The following EPHA6 variants were observed in gnomAD, a reference collection of about 807,000 sequenced individuals.
EPHA6 encodes the protein ephrin type-A receptor 6.
A neutral mutation model predicts 112.0 loss-of-function variants in EPHA6; 50 were observed. The ratio of observed to expected loss-of-function variants is 0.45; its 90% CI spans 0.36 to 0.56. The LOEUF is 0.56. EPHA6 is among the 20% of genes least tolerant of loss of function. EPHA6 has a pLI of 0.00. For synonymous variants in EPHA6, 529 were observed against 490.7 expected (o/e 1.08, Z -1.03); for missense variants, 1,280 against 1,417.4 (o/e 0.90, Z 1.56).
chr3:97,137,893 T>TGA (rs1489701687), intron 3 of EPHA6, among the ~76,000 whole-genome samples: 1 of 151,772 alleles, frequency 6.6e-6, no homozygotes, highest in Non-Finnish European at 1.5e-5. Context: ...GAAAAAAATG[T>TGA]GAGAGAAGGG....
chr3:97,622,043 T>G (rs542298458), intron 13 of EPHA6, among the ~76,000 whole-genome samples: 2 of 152,012 alleles, frequency 1.3e-5, no homozygotes, highest in African/African-American at 4.8e-5. Context: ...CTTTTCAATT[T>G]TTTTATTTTG....
intron 11 of EPHA6, among the ~76,000 whole-genome samples, chr3:97,546,192 T>A (rs1205670603): frequency 6.6e-6 from 1 of 152,086 alleles, no homozygotes; most frequent in Admixed American, 6.5e-5. Context: ...TGTTTTTGCA[T>A]TGGCTGGTAC....
At chr3:96,945,228 C>G (rs1273989202) in intron 2 of EPHA6, among the ~76,000 whole-genome samples, 1 of 152,156 alleles carries the variant, frequency 6.6e-6, no homozygotes, top group Non-Finnish European at 1.5e-5. Flanking sequence ...TTAATAAAAT[C>G]ATATTCTAAG....
chr3:97,517,543 C>A (rs1470804955), intron 10 of EPHA6, among the ~76,000 whole-genome samples: 1 of 151,766 alleles, frequency 6.6e-6, no homozygotes, highest in Non-Finnish European at 1.5e-5. Context: ...TGTAGAATAA[C>A]TAAATCAAGC....
intron 13 of EPHA6, among the ~76,000 whole-genome samples, chr3:97,634,678 T>C (rs2093931263): frequency 6.6e-6 from 1 of 152,058 alleles, no homozygotes; most frequent in Non-Finnish European, 1.5e-5. Flanking sequence ...ACGAGCAGCC[T>C]GAATCCAGTG....
At chr3:97,329,933 G>C (rs1352430917) in intron 5 of EPHA6, among the ~76,000 whole-genome samples, 2 of 152,034 alleles carry the variant, frequency 1.3e-5, no homozygotes, top group Non-Finnish European at 2.9e-5. Flanking sequence ...TTTTCTTCTA[G>C]GGTTTTTATG....
At chr3:97,481,177 C>G (rs140024817) in intron 9 of EPHA6, 3 of 972,898 alleles carry the variant, frequency 3.1e-6, no homozygotes, top group East Asian at 5.4e-5. Flanking sequence ...GCACTCCAGC[C>G]GAACAATTTC....
intron 1 of EPHA6, among the ~76,000 whole-genome samples, chr3:96,851,937 A>T (rs544386813): frequency 2.4e-4 from 37 of 152,286 alleles, no homozygotes; most frequent in African/African-American, 8.7e-4. Flanking sequence ...ATTTTAGGTA[A>T]TACTGGAGAA....
intron 2 of EPHA6, among the ~76,000 whole-genome samples, chr3:96,912,530 C>A (rs934668324): frequency 3.3e-5 from 5 of 152,106 alleles, no homozygotes; most frequent in African/African-American, 1.2e-4. Flanking sequence ...TAGCATCTAA[C>A]TGGGGACCTA....
intron 10 of EPHA6, among the ~76,000 whole-genome samples, chr3:97,505,872 G>A (rs1213562507): frequency 1.3e-5 from 2 of 152,078 alleles, no homozygotes; most frequent in Non-Finnish European, 2.9e-5. Context: ...TTTAATGATC[G>A]CCATTCTAAC....
At chr3:97,592,326 T>C (rs994700055) in intron 11 of EPHA6, among the ~76,000 whole-genome samples, 2 of 152,244 alleles carry the variant, frequency 1.3e-5, no homozygotes, top group African/African-American at 4.8e-5. Flanking sequence ...ATCCATTTTA[T>C]TATTCCATGC....
At chr3:97,365,045 A>G (rs1173888408) in intron 5 of EPHA6, among the ~76,000 whole-genome samples, 1 of 152,206 alleles carries the variant, frequency 6.6e-6, no homozygotes. Flanking sequence ...TCAATAACTT[A>G]GTAACTAGAC....
In EPHA6 at chr3:97,362,877, TTATTAAGTG is replaced by T. The variant is rs1326556479; in HGVS notation, c.1607-42264_1607-42256del. 2.0e-5 allele frequency among the ~76,000 whole-genome samples: 3 copies of T among 151,690 alleles called. No individual in the cohort carries two copies. The South Asian group carries it at 6.2e-4, about 31-fold the overall frequency. The stretch of plus-strand genomic sequence containing the variant: ...CTAGTTAATAAACTAGTTAGGAAGT[TTATTAAGTG>T]TATTAAGTTTATTAAGATTACTGCA... On this transcript the variant is annotated intron_variant, in intron 5 of 17. Transcript: ENST00000389672.
chr3:97,396,018 T>C (rs542055203), intron 5 of EPHA6, among the ~76,000 whole-genome samples: 1 of 151,864 alleles, frequency 6.6e-6, no homozygotes, highest in South Asian at 2.1e-4. Context: ...CAAAAAGGAA[T>C]CGATAGCCTT....
At chr3:97,707,249 A>G (rs999207013) in intron 14 of EPHA6, among the ~76,000 whole-genome samples, 3 of 152,258 alleles carry the variant, frequency 2.0e-5, no homozygotes, top group Non-Finnish European at 4.4e-5. Flanking sequence ...CAATAAATTT[A>G]CATTATAATC....
chr3:96,928,077 C>A (rs2040130411), intron 2 of EPHA6, among the ~76,000 whole-genome samples: 1 of 152,152 alleles, frequency 6.6e-6, no homozygotes. Context: ...ATAGGGTGAA[C>A]CACCCCCATG....
chr3:97,288,124 G>T lies in EPHA6; in HGVS notation c.1606+43837G>T, dbSNP rs181520304. Among the ~76,000 whole-genome samples the T allele has an allele frequency of 2.9e-3, 446 of 152,182 alleles. 2 individuals are homozygous for T. The highest frequency in any genetic ancestry group is 0.011 in the Admixed American group (172 of 15,292). ...TTTCAATGCAAGAGTACATGTGCAG[G>T]TTTCTTACATGGGTATACTGTGTGA... On this transcript the variant is annotated intron_variant, in intron 5 of 17. Coordinates refer to ENST00000389672, the MANE Select transcript of EPHA6 (RefSeq NM_001080448.3).
chr3:96,957,317 G>T (rs1443097275), intron 2 of EPHA6, among the ~76,000 whole-genome samples: 1 of 152,170 alleles, frequency 6.6e-6, no homozygotes, highest in Non-Finnish European at 1.5e-5. Context: ...GTGTTGCATG[G>T]CTAAAGATAT....
At chr3:96,969,335 A>G (rs2042234644) in intron 2 of EPHA6, among the ~76,000 whole-genome samples, 1 of 151,942 alleles carries the variant, frequency 6.6e-6, no homozygotes, top group Non-Finnish European at 1.5e-5. Flanking sequence ...CTGTTAAGTC[A>G]ATTAATGCAG....
Sources: gnomAD v4.1 joint callset for allele counts (sites outside exome capture counted in the v4.1 genomes callset) on GRCh38, gnomAD v4.1.1 for gene constraint, MANE v1.5 for transcripts, NCBI Gene and HGNC (gene_info 2026-07-23, HGNC 2026-07-21) for gene names.